The following NRG1 variants were observed in gnomAD, a reference collection of about 807,000 sequenced individuals.
NRG1 encodes pro-neuregulin-1, membrane-bound isoform.
NRG1 carries 18 observed loss-of-function variants against 63.8 expected under a neutral mutation model. The observed-to-expected ratio is 0.28, with a 90% CI of 0.19 to 0.42. The LOEUF (loss-of-function observed/expected upper bound fraction) is 0.42, where lower values mean the gene tolerates loss of function less well. Ranked by LOEUF, NRG1 falls within the 10% of genes least tolerant of loss-of-function variation. NRG1 has a pLI of 1.00. For synonymous variants in NRG1, 302 were observed against 301.3 expected (o/e 1.00, Z -0.02); for missense variants, 762 against 814.7 (o/e 0.94, Z 0.79).
intron 1 of NRG1, among the ~76,000 whole-genome samples, chr8:31,962,673 A>C (rs7843384): frequency 0.059 from 9,010 of 152,220 alleles, 836 homozygotes; most frequent in African/African-American, 0.2. Context: ...ATTAAACAAA[A>C]TTTCAAAAAT....
intron 1 of NRG1, among the ~76,000 whole-genome samples, chr8:32,049,554 C>T (rs986671362): frequency 2.0e-5 from 3 of 152,030 alleles, no homozygotes; most frequent in East Asian, 3.9e-4. Flanking sequence ...TAGAAAGAAA[C>T]CTTAAAGCTT....
chr8:32,353,090 C>T (rs1164466545), intron 1 of NRG1, among the ~76,000 whole-genome samples: 1 of 150,194 alleles, frequency 6.7e-6, no homozygotes, highest in African/African-American at 2.4e-5. Context: ...CAAAAATATC[C>T]TAGGCCTTCT....
chr8:31,950,802 T>A (rs1586012547), intron 1 of NRG1, among the ~76,000 whole-genome samples: 3 of 152,168 alleles, frequency 2.0e-5, no homozygotes, highest in African/African-American at 7.2e-5. Context: ...CAAGCTGTGT[T>A]TTTACTGATT....
chr8:31,640,673 T>C lies in NRG1; in HGVS notation c.37+1242T>C. 1 of 1,607,432 alleles carries C rather than the reference T, an allele frequency of 6.2e-7. No homozygotes were observed. The highest frequency in any genetic ancestry group is 8.5e-7 in the Non-Finnish European group (1 of 1,177,820). On this transcript the variant is annotated intron_variant, in intron 1 of 10. Transcript: ENST00000519301. This position sits in a 1 kb window ranked among gnomAD's most constrained non-coding sequence, Gnocchi z 6.3. ...GCCTTCCGAGCCTCTTTCCCCCCTC[T>C]GGAGACGGGCCGGAACCTCAAGAAG...
chr8:31,810,641 A>G (rs1265090097), intron 1 of NRG1, among the ~76,000 whole-genome samples: 1 of 152,106 alleles, frequency 6.6e-6, no homozygotes, highest in Admixed American at 6.5e-5. Flanking sequence ...TCCTCAGAAA[A>G]GGATTGCTCT....
At chr8:32,331,032 A>C (rs969338466) in intron 1 of NRG1, among the ~76,000 whole-genome samples, 4 of 152,072 alleles carry the variant, frequency 2.6e-5, no homozygotes, top group Admixed American at 2.6e-4. Context: ...AGTTTCTATT[A>C]GTCCTCCTTT....
At chr8:32,515,876 T>C (rs1380179944) in intron 1 of NRG1, among the ~76,000 whole-genome samples, 1 of 152,236 alleles carries the variant, frequency 6.6e-6, no homozygotes, top group Non-Finnish European at 1.5e-5. Flanking sequence ...CTGTGTACTC[T>C]GTCAATTGTT....
chr8:32,477,484 A>G (rs572878396), intron 1 of NRG1, among the ~76,000 whole-genome samples: 1 of 152,354 alleles, frequency 6.6e-6, no homozygotes, highest in Non-Finnish European at 1.5e-5. Context: ...TTAGATTTTC[A>G]TATATTAATG....
chr8:32,746,692 T>C (rs1827495389), intron 7 of NRG1, among the ~76,000 whole-genome samples: 1 of 152,102 alleles, frequency 6.6e-6, no homozygotes, highest in South Asian at 2.1e-4. Context: ...AACTAGATTG[T>C]TTACAGTAAA....
chr8:32,330,081 A>AAAAAAAAAAAAT (rs1563322139), intron 1 of NRG1, among the ~76,000 whole-genome samples: 1 of 125,038 alleles, frequency 8.0e-6, no homozygotes, highest in African/African-American at 3.1e-5. Flanking sequence ...AAAAAAAAAA[A>AAAAAAAAAAAAT]GTGTGTAGGG....
intron 5 of NRG1, among the ~76,000 whole-genome samples, chr8:32,617,633 A>G (rs796770771): frequency 1.2e-4 from 19 of 152,320 alleles, no homozygotes; most frequent in African/African-American, 4.3e-4. Flanking sequence ...TTAAACTTAT[A>G]ACTACAGTCT....
At chr8:32,644,017 T>G (rs2129546192) in intron 5 of NRG1, among the ~76,000 whole-genome samples, 1 of 152,268 alleles carries the variant, frequency 6.6e-6, no homozygotes, top group South Asian at 2.1e-4. Context: ...TACTCAAATC[T>G]TGGCCACATA....
At chr8:31,917,121 A>T (rs4327825) in intron 1 of NRG1, among the ~76,000 whole-genome samples, 1 of 98,858 alleles carries the variant, frequency 1.0e-5, no homozygotes, top group Non-Finnish European at 2.1e-5. Context: ...TGTCAGATGA[A>T]TAGGTTGCGA....
At chr8:31,954,059 G>A (rs548480007) in intron 1 of NRG1, among the ~76,000 whole-genome samples, 48 of 151,784 alleles carry the variant, frequency 3.2e-4, no homozygotes, top group Middle Eastern at 6.8e-3. Context: ...ACCCAGAGAG[G>A]AAGATCAAAT....
chr8:32,196,929 G>A (rs1295272175), intron 1 of NRG1, among the ~76,000 whole-genome samples: 1 of 69,556 alleles, frequency 1.4e-5, no homozygotes, highest in African/African-American at 4.4e-5. Flanking sequence ...TACCAGGCCT[G>A]TTCTCAGAAC....
At chr8:32,585,555 C>T (rs1474273257) in intron 1 of NRG1, among the ~76,000 whole-genome samples, 2 of 152,188 alleles carry the variant, frequency 1.3e-5, no homozygotes, top group African/African-American at 4.8e-5. Context: ...TGTATCCTCA[C>T]GTGGGGGTTA....
chr8:32,204,395 G>A (rs1158899366), intron 1 of NRG1, among the ~76,000 whole-genome samples: 5 of 152,154 alleles, frequency 3.3e-5, no homozygotes, highest in African/African-American at 1.2e-4. Context: ...GGTCAGGACT[G>A]AACAATGAAA....
chr8:32,745,097 C>T (rs746915804), intron 7 of NRG1, among the ~76,000 whole-genome samples: 7 of 152,022 alleles, frequency 4.6e-5, no homozygotes, highest in African/African-American at 1.4e-4. Context: ...GTTGTCTTAC[C>T]GAGAGTTTTT....
intron 5 of NRG1, among the ~76,000 whole-genome samples, chr8:32,643,382 G>C (rs1852804163): frequency 6.6e-6 from 1 of 152,100 alleles, no homozygotes; most frequent in Non-Finnish European, 1.5e-5. Flanking sequence ...TTCTTCTTGG[G>C]GTGCTTTCTC....
Sources: gnomAD v4.1 joint callset for allele counts (sites outside exome capture counted in the v4.1 genomes callset) on GRCh38, gnomAD v4.1.1 for gene constraint, Gnocchi (gnomAD v3.1) non-coding constraint, MANE v1.5 for transcripts, NCBI Gene and HGNC (gene_info 2026-07-23, HGNC 2026-07-21) for gene names.